The following HAP1 variants were observed in gnomAD, a reference collection of about 807,000 sequenced individuals.
HAP1 encodes the protein huntingtin associated protein 1, also known as huntingtin-associated protein 1.
A neutral mutation model predicts 60.3 loss-of-function variants in HAP1; 59 were observed. The ratio of observed to expected loss-of-function variants is 0.98; its 90% confidence interval spans 0.79 to 1.22. The LOEUF is 1.22. Ranked by LOEUF, HAP1 falls within the 50% of genes most tolerant of loss-of-function variation. The probability of loss-of-function intolerance (pLI) is 0.00; values close to 1 mark genes in which losing one functional copy is unlikely to be tolerated. For missense variants in HAP1, 825 were observed against 785.3 expected (o/e 1.05, Z -0.60); for synonymous variants, 346 against 330.6 (o/e 1.05, Z -0.50).
At position 41,725,949 on chromosome 17, in the gene HAP1, G is replaced by T. The variant is rs371990540; in HGVS notation, c.1368-52C>A. Reference sequence around the variant, plus strand: ...TGAGACAATGGAAGCCGAAACTGCAGTCCCTGGGGCTTGGTCAAGCTGAAG... The same window carrying T: ...TGAGACAATGGAAGCCGAAACTGCATTCCCTGGGGCTTGGTCAAGCTGAAG... On this transcript the variant is annotated intron_variant, in intron 9 of 10. Coordinates refer to ENST00000347901, the MANE Select transcript of HAP1 (RefSeq NM_177977.3). 1.3e-5 allele frequency: 17 copies of T among 1,351,866 alleles called. No individual in the cohort carries two copies. In the African/African-American group the frequency reaches 1.6e-4, roughly 12 times the overall value. 83.7% of individuals were successfully genotyped at this position (1,351,866 alleles called of 1,614,324 possible). A position where few individuals can be genotyped will look rare whatever the true frequency, so the allele number is the denominator to read the frequency against.
At position 41,724,471 on chromosome 17, in the gene HAP1, T is replaced by C. The variant is rs1555587990; in HGVS notation, c.*230A>G. 5.4e-6 allele frequency: 3 copies of C among 551,664 alleles called. No homozygotes were observed. Among genetic ancestry groups the C allele is most frequent in the Non-Finnish European group, 9.7e-6 (3 of 309,506 alleles). 34.2% of individuals were successfully genotyped at this position (551,664 alleles called of 1,614,324 possible). ...AGAGATGGGAAGCTGAGGCGCAGTG[T>C]GGGGGCACAGTCCCAGCCCTAACCC... is the stretch of plus-strand genomic sequence containing the variant. On this transcript the variant is annotated 3_prime_UTR_variant, in exon 11 of 11. Coordinates refer to ENST00000347901, the MANE Select transcript of HAP1 (RefSeq NM_177977.3).
downstream of HAP1, among the ~76,000 whole-genome samples, chr17:41,718,812 T>TA (rs1324361850): frequency 1.3e-5 from 2 of 152,178 alleles, no homozygotes; most frequent in African/African-American, 2.4e-5. Flanking sequence ...AGGGTAACCT[T>TA]ACGTCCACCA....
intron 1 of HAP1, among the ~76,000 whole-genome samples, chr17:41,733,797 G>C (rs1555591794): frequency 6.6e-6 from 1 of 150,676 alleles, no homozygotes; most frequent in Non-Finnish European, 1.5e-5. Context: ...AAGCCCGGTC[G>C]GCCAGCGCAG....
At chr17:41,720,393 C>A (rs559813002), downstream of HAP1, among the ~76,000 whole-genome samples, 1 of 151,890 alleles carries the variant, frequency 6.6e-6, no homozygotes, top group Non-Finnish European at 1.5e-5. Flanking sequence ...CAGGGTTTCT[C>A]CATGTTGCTC....
At chr17:41,718,160 G>C, downstream of HAP1, 1 of 356,732 alleles carries the variant, frequency 2.8e-6, no homozygotes, top group East Asian at 7.5e-5. Context: ...CACTGTCTAC[G>C]GCCATACCAC....
downstream of HAP1, chr17:41,721,578 CTTTT>C (rs1164419739): frequency 1.1e-5 from 2 of 187,712 alleles, no homozygotes; most frequent in South Asian, 1.5e-4. Context: ...TTTCTTTTCT[CTTTT>C]TTTGAGACAG....
chr17:41,720,108 C>T (rs1231424679), downstream of HAP1, among the ~76,000 whole-genome samples: 3 of 151,938 alleles, frequency 2.0e-5, no homozygotes, highest in African/African-American at 7.3e-5. Context: ...CCAGGATGGT[C>T]TCGATCTCCT....
chr17:41,727,530 G>A (rs781915577), intron 8 of HAP1: 6 of 731,648 alleles, frequency 8.2e-6, no homozygotes, highest in African/African-American at 6.9e-5. Context: ...CCCAGGTTCT[G>A]GACTCCAAGT....
At position 41,728,211 on chromosome 17, in the gene HAP1, C is replaced by A; in HGVS notation, c.1190G>T (p.Arg397Leu). ...ACACACCCGACTCACCATCCGGCAG[C>A]GCTGCTGCAGCTTCAGCACCTGGGC... The part of the protein sequence containing the change: ...LQAQVLKLQQ[R>L]CRMYGAETEK... Residue 397 changes from arginine (R) to leucine (L), a missense_variant, in exon 7 of 11, where the codon CGC (arginine) becomes CTC (leucine). Coordinates refer to ENST00000347901, the MANE Select transcript of HAP1 (RefSeq NM_177977.3). The A allele has an allele frequency of 6.2e-7, 1 of 1,611,958 alleles. No homozygotes were observed. Among genetic ancestry groups the A allele is most frequent in the South Asian group, 1.1e-5 (1 of 91,084 alleles).
At chr17:41,728,390 G>A in intron 6 of HAP1, 59 bp from the exon 7 acceptor site, 1 of 1,552,974 alleles carries the variant, frequency 6.4e-7, no homozygotes, top group Non-Finnish European at 8.8e-7. Flanking sequence ...GACCAGCTCT[G>A]GCCCTCCCAG....
intron 2 of HAP1, 97 bp from the exon 3 acceptor site, chr17:41,732,491 A>C: frequency 7.6e-7 from 1 of 1,321,130 alleles, no homozygotes; most frequent in Non-Finnish European, 1.0e-6. Flanking sequence ...TCTGCCATTA[A>C]CCCACTGTGG....
chr17:41,732,547 T>C (rs1315058179), intron 2 of HAP1, 153 bp from the exon 3 acceptor site: 3 of 989,850 alleles, frequency 3.0e-6, no homozygotes, highest in Non-Finnish European at 1.5e-6. Flanking sequence ...TCAGACCAGA[T>C]TGGCTCTGAG....
In HAP1 at chr17:41,724,972, G is replaced by T; in HGVS notation, c.1589C>A (p.Ala530Glu). 1 of 1,612,470 alleles carries T rather than the reference G, an allele frequency of 6.2e-7. No individual in the cohort carries two copies. The change falls in exon 11 of 11, where the codon GCA becomes GAA. Residue 530 changes from alanine to glutamate, a missense_variant. By Grantham distance (107) the Ala-to-Glu change is moderately radical. Coordinates refer to ENST00000347901, the MANE Select transcript of HAP1 (RefSeq NM_177977.3). Reference protein sequence around the residue: ...VPAEEGVMEEAELVSEETEGW... With the variant: ...VPAEEGVMEEEELVSEETEGW... ...CTCGGTCTCCTCTGACACCAGCTCT[G>T]CCTCTTCCATCACCCCTTCCTCAGC...
chr17:41,721,102 T>A (rs1280911499), downstream of HAP1: 2 of 152,188 alleles, frequency 1.3e-5, no homozygotes, highest in Admixed American at 6.6e-5. Flanking sequence ...CCCAGGCTAC[T>A]CTGAGATATA....
rs781998142 is a variant in HAP1, at chr17:41,734,556, G to T, written c.79C>A (p.Pro27Thr). 6.2e-7 allele frequency: 1 copy of T among 1,607,910 alleles called. No homozygotes were observed. Among genetic ancestry groups the T allele is most frequent in the Non-Finnish European group, 8.5e-7 (1 of 1,178,602 alleles). The change falls in exon 1 of 11, where the codon CCT (proline) becomes ACT (threonine). Residue 27 changes from proline (P) to threonine (T), a missense_variant. Transcript: ENST00000347901. ...PGDPAALTCAPSPSASPAPEP... is the reference protein window; with the variant it reads ...PGDPAALTCATSPSASPAPEP... ...GGAGCGGGACTGGCTGAGGGCGAAGGTGCACAGGTGAGTGCTGCTGGGTCC... is the reference window on the plus strand; with the variant it reads ...GGAGCGGGACTGGCTGAGGGCGAAGTTGCACAGGTGAGTGCTGCTGGGTCC...
chr17:41,734,524 G>C lies in HAP1; in HGVS notation c.111C>G (p.Pro37=), dbSNP rs782692136. Residue 37 remains proline (P), a synonymous_variant, in exon 1 of 11, where the codon CCC becomes CCG. Transcript: ENST00000347901. The part of the protein sequence containing the change: ...PSPSASPAPE[P]SAQPQARGTG... Reference sequence around the variant, plus strand: ...TGCCCCGTGCCTGCGGCTGCGCAGAGGGCTCCGGAGCGGGACTGGCTGAGG... The same window carrying C: ...TGCCCCGTGCCTGCGGCTGCGCAGACGGCTCCGGAGCGGGACTGGCTGAGG... 1 of 1,611,690 alleles carries C rather than the reference G, an allele frequency of 6.2e-7. No individual in the cohort carries two copies. The highest frequency in any genetic ancestry group is 1.1e-5 in the South Asian group (1 of 90,910).
chr17:41,734,181 G>A lies in HAP1; in HGVS notation c.454C>T (p.Arg152Trp), dbSNP rs781899185. The change falls in exon 1 of 11, where the codon CGG becomes TGG. Residue 152 changes from arginine to tryptophan, a missense_variant. Transcript: ENST00000347901. ...CCCGATTTACCTTCCTCCAGCTCCC[G>A]AATAAAGGCGGCGCGCTCAGGGCCG... Reference protein sequence around the residue: ...VSGPERAAFIRELEEALCPNL... With the variant: ...VSGPERAAFIWELEEALCPNL... The A allele has an allele frequency of 2.5e-6, 4 of 1,585,052 alleles. No homozygotes were observed. The African/African-American group carries it at 4.0e-5, about 16-fold the overall frequency.
chr17:41,734,044 G>C (rs1331532564), intron 1 of HAP1, 122 bp downstream of exon 1: 3 of 706,544 alleles, frequency 4.2e-6, no homozygotes, highest in African/African-American at 3.6e-5. Flanking sequence ...GACATCGCGG[G>C]GGTGGTGGAC....
chr17:41,732,541 A>C (rs1555591392), intron 2 of HAP1, 147 bp from the exon 3 acceptor site: 2 of 993,898 alleles, frequency 2.0e-6, no homozygotes, highest in African/African-American at 3.2e-5. Flanking sequence ...AGAAGATCAG[A>C]CCAGATTGGC....
Sources: gnomAD v4.1 joint callset for allele counts (sites outside exome capture counted in the v4.1 genomes callset) on GRCh38, gnomAD v4.1.1 for gene constraint, MANE v1.5 for transcripts, NCBI Gene and HGNC (gene_info 2026-07-23, HGNC 2026-07-21) for gene names.